The following NT5DC4 variants were observed in gnomAD, a reference collection of about 807,000 sequenced individuals.
NT5DC4 encodes the protein 5'-nucleotidase domain-containing protein 4.
Under a neutral mutation model 26.6 loss-of-function variants are expected in NT5DC4, and 44 were observed. The ratio of observed to expected loss-of-function variants is 1.65; its 90% CI spans 1.30 to 2.13. The LOEUF (loss-of-function observed/expected upper bound fraction) is 2.13, where lower values mean the gene tolerates loss of function less well. Ranked by LOEUF, NT5DC4 falls within the 30% of genes most tolerant of loss-of-function variation. The pLI is 0.00. For missense variants in NT5DC4, 399 were observed against 228.1 expected, an observed-to-expected ratio of 1.75 and a Z score of -4.83; for synonymous variants, 157 against 86.7, an observed-to-expected ratio of 1.81 and a Z score of -4.51.
Position 112,726,693 on chromosome 2 carries a change from C to T in NT5DC4, c.1221C>T (p.Ser407=). 1 of 717,530 alleles carries T rather than the reference C, an allele frequency of 1.4e-6. No homozygotes were observed. Among genetic ancestry groups the T allele is most frequent in the Non-Finnish European group, 2.6e-6 (1 of 385,098 alleles). The allele number at this position is 717,530 out of a possible 1,614,324, so 44.4% of individuals were successfully genotyped here. The change falls in exon 15 of 17, where the codon AGC becomes AGT. Residue 407 remains serine, a synonymous_variant. Coordinates refer to ENST00000688554, the MANE Select transcript of NT5DC4 (RefSeq NM_001393655.1). ...LADIYQHMDG[S]SCELQVINFT... ...TTTGTACCAGGCACATGGATGGGAG[C>T]AGTTGTGAGCTGCAAGTCATCAACT... is the stretch of plus-strand genomic sequence containing the variant.
In NT5DC4 at chr2:112,723,793, C is replaced by T; in HGVS notation, c.747C>T (p.Asn249=). The part of the protein sequence containing the change: ...KVFLATNSSY[N]YTNAIMTYLF... ...TTCTGGCCACCAACAGCAGCTACAA[C>T]TACACCAATGTGAGTATGTGTATGG... Residue 249 remains asparagine, a synonymous_variant, in exon 9 of 17, where the codon AAC becomes AAT. Transcript: ENST00000688554. 1.4e-6 allele frequency: 1 copy of T among 717,042 alleles called. No homozygotes were observed. The highest frequency in any genetic ancestry group is 2.6e-6 in the Non-Finnish European group (1 of 384,964). The allele number at this position is 717,042 out of a possible 1,614,324, so 44.4% of individuals were successfully genotyped here. A position where few individuals can be genotyped will look rare whatever the true frequency, so the allele number is the denominator to read the frequency against.
At chr2:112,727,009 G>A (rs1340022631) in intron 15 of NT5DC4, 6 of 524,550 alleles carry the variant, frequency 1.1e-5, no homozygotes, top group African/African-American at 3.8e-5. Flanking sequence ...CACCCTGCCC[G>A]GGAAGTGCCT....
At chr2:112,724,556 G>T in intron 10 of NT5DC4, 1 of 587,826 alleles carries the variant, frequency 1.7e-6, no homozygotes, top group Non-Finnish European at 3.0e-6. Flanking sequence ...CTGGCCTGAG[G>T]CTGCACATGA....
intron 4 of NT5DC4, 24 bp from the exon 5 acceptor site, chr2:112,722,459 G>A (rs1236299080): frequency 1.4e-6 from 1 of 717,104 alleles, no homozygotes; most frequent in Non-Finnish European, 2.6e-6. Flanking sequence ...GAGGCACTGG[G>A]GAGGGGTCAT....
In NT5DC4 at chr2:112,726,681, CATGGATGGGAGCAGTTGTGAG is replaced by C. The variant is rs774246390; in HGVS notation, c.1210_1230del (p.Met404_Glu410del). The stretch of plus-strand genomic sequence containing the variant: ...CACCTAGCTATTTTTGTACCAGGCA[CATGGATGGGAGCAGTTGTGAG>C]CTGCAAGTCATCAACTTCACCAAGA... On this transcript the variant is annotated inframe_deletion, in exon 15 of 17. Coordinates refer to ENST00000688554, the MANE Select transcript of NT5DC4 (RefSeq NM_001393655.1). 1 of 717,532 alleles carries C rather than the reference CATGGATGGGAGCAGTTGTGAG, an allele frequency of 1.4e-6. No individual in the cohort carries two copies. The highest frequency in any genetic ancestry group is 1.5e-5 in the South Asian group (1 of 67,608). The allele number at this position is 717,532 out of a possible 1,614,324, so 44.4% of individuals were successfully genotyped here. A position where few individuals can be genotyped will look rare whatever the true frequency, so the allele number is the denominator to read the frequency against.
intron 1 of NT5DC4, chr2:112,721,357 T>G: frequency 1.5e-6 from 1 of 659,714 alleles, no homozygotes; most frequent in Admixed American, 2.1e-5. Context: ...CGGGAGGTCC[T>G]CTTCACTTCC....
chr2:112,725,282 C>T (rs375871419), intron 12 of NT5DC4, 42 bp downstream of exon 12: 1 of 696,454 alleles, frequency 1.4e-6, no homozygotes, highest in East Asian at 2.7e-5. Context: ...TGGGCACCCT[C>T]CTTCCCTCGA....
At position 112,724,545 on chromosome 2, in the gene NT5DC4, C is replaced by T. The variant is rs371044759; in HGVS notation, c.790-236C>T. On this transcript the variant is annotated intron_variant, in intron 10 of 16. Coordinates refer to ENST00000688554, the MANE Select transcript of NT5DC4 (RefSeq NM_001393655.1). ...CTCTGTGCTGTGAGGAGCTCTGGAG[C>T]CTGGCCTGAGGCTGCACATGATGTT... 17 of 584,242 alleles carry T rather than the reference C, an allele frequency of 2.9e-5. No homozygotes were observed. In the Admixed American group the frequency reaches 5.1e-4, roughly 18 times the overall value. The allele number at this position is 584,242 out of a possible 1,614,324, so 36.2% of individuals were successfully genotyped here.
At chr2:112,726,116 G>T (rs1051922016) in intron 13 of NT5DC4, 122 bp from the exon 14 acceptor site, 30 of 676,660 alleles carry the variant, frequency 4.4e-5, no homozygotes, top group African/African-American at 7.1e-5. Context: ...GGGGCCAGGG[G>T]TGTTATGCAC....
At chr2:112,722,315 GA>G (rs1206944718) in intron 4 of NT5DC4, 37 bp downstream of exon 4, 1 of 716,742 alleles carries the variant, frequency 1.4e-6, no homozygotes, top group East Asian at 2.7e-5. Flanking sequence ...GGCAGGCCAG[GA>G]GGGGAGGACT....
chr2:112,742,658 T>C (rs762572685), downstream of NT5DC4: 2 of 1,202,578 alleles, frequency 1.7e-6, no homozygotes, highest in Non-Finnish European at 2.4e-6. Context: ...GGATGATTTT[T>C]ACTGGTACAG....
chr2:112,719,422 T>G (rs1227241546), upstream of NT5DC4, among the ~76,000 whole-genome samples: 1 of 152,168 alleles, frequency 6.6e-6, no homozygotes, highest in Admixed American at 6.5e-5. Flanking sequence ...CCACCTTCAT[T>G]TAGTTTAGTT....
downstream of NT5DC4, chr2:112,740,936 A>C (rs1679899524): frequency 1.9e-6 from 3 of 1,614,030 alleles, no homozygotes; most frequent in Non-Finnish European, 2.5e-6. Flanking sequence ...GACTTCACAG[A>C]TTCCATCTTC....
chr2:112,739,192 C>T (rs1009105385), downstream of NT5DC4: 2 of 660,412 alleles, frequency 3.0e-6, no homozygotes, highest in Admixed American at 3.0e-5. Context: ...CAGCTTTCAT[C>T]TTCAGATGGC....
intron 15 of NT5DC4, chr2:112,727,200 C>T (rs543652561): frequency 4.8e-6 from 1 of 209,116 alleles, no homozygotes; most frequent in African/African-American, 2.2e-5. Flanking sequence ...GGAGTCAGGT[C>T]ACTTGGTCAT....
At chr2:112,732,583 C>T (rs1033985208) in intron 16 of NT5DC4, among the ~76,000 whole-genome samples, 2 of 152,312 alleles carry the variant, frequency 1.3e-5, no homozygotes, top group Admixed American at 6.5e-5. Context: ...GACCCTAGAG[C>T]CCATACTTTT....
chr2:112,735,855 ATAAT>A (rs1558744850), intron 16 of NT5DC4, among the ~76,000 whole-genome samples: 1 of 152,206 alleles, frequency 6.6e-6, no homozygotes, highest in Non-Finnish European at 1.5e-5. Flanking sequence ...TTTGAAACTT[ATAAT>A]TATTAGACAC....
intron 1 of NT5DC4, among the ~76,000 whole-genome samples, 49 bp downstream of exon 1, chr2:112,721,202 C>T (rs1676832658): frequency 1.3e-5 from 2 of 152,220 alleles, no homozygotes; most frequent in African/African-American, 2.4e-5. Flanking sequence ...CCCATAAACA[C>T]CCCACACGCC....
chr2:112,734,708 G>A (rs926692456), intron 16 of NT5DC4, among the ~76,000 whole-genome samples: 3 of 152,124 alleles, frequency 2.0e-5, no homozygotes, highest in African/African-American at 7.2e-5. Flanking sequence ...CTTTTTTTGT[G>A]AGACAGAGTC....
Sources: allele counts gnomAD v4.1 joint callset (sites outside exome capture counted in the v4.1 genomes callset), GRCh38; gene constraint gnomAD v4.1.1; transcripts MANE v1.5; gene names NCBI Gene and HGNC (gene_info 2026-07-23, HGNC 2026-07-21).